The following PANK4 variants were observed in gnomAD, a reference collection of about 807,000 sequenced individuals.
PANK4 encodes the protein 4'-phosphopantetheine phosphatase.
Under a neutral mutation model 87.9 loss-of-function variants are expected in PANK4, and 40 were observed. The ratio of observed to expected loss-of-function variants is 0.46; its 90% CI spans 0.35 to 0.59. PANK4 has a LOEUF of 0.59. Among genes scored for constraint, PANK4 ranks in the 20% least tolerant of loss-of-function variants. The pLI is 0.00. For missense variants in PANK4, 926 were observed against 1,072.3 expected (o/e 0.86, Z 1.90); for synonymous variants, 524 against 467.4 (o/e 1.12, Z -1.56).
chr1:2,516,087 CCT>C lies in PANK4; in HGVS notation c.1219-372_1219-371del, dbSNP rs369182516. On this transcript the variant is annotated intron_variant, in intron 9 of 18. Coordinates refer to ENST00000378466, the MANE Select transcript of PANK4 (RefSeq NM_018216.4). ...CACCACCTCCCTGCAGTCACCCCTC[CCT>C]GTCACCCCTACAGTTTCACCTCCTC... 187 of 335,244 alleles carry C rather than the reference CCT, an allele frequency of 5.6e-4. 2 individuals are homozygous for C. Among genetic ancestry groups the C allele is most frequent in the African/African-American group, 3.6e-3 (169 of 47,410 alleles). 20.8% of individuals were successfully genotyped at this position (335,244 alleles called of 1,614,324 possible).
rs553315604 is a variant in PANK4, at chr1:2,517,859, G to A, written c.1218+305C>T. On this transcript the variant is annotated intron_variant, in intron 9 of 18. Coordinates refer to ENST00000378466, the MANE Select transcript of PANK4 (RefSeq NM_018216.4). ...GTGGACGGGCCTTCTGGCGTGGGGA[G>A]AGGTCCCCGTCACCCCTGAACTTTA... Among the ~76,000 whole-genome samples, 3 of 152,344 alleles carry A rather than the reference G, an allele frequency of 2.0e-5. No homozygotes were observed. The East Asian group carries it at 5.8e-4, about 29-fold the overall frequency.
At chr1:2,518,009 C>A (rs1206828936) in intron 9 of PANK4, among the ~76,000 whole-genome samples, 155 bp downstream of exon 9, 1 of 152,230 alleles carries the variant, frequency 6.6e-6, no homozygotes, top group Non-Finnish European at 1.5e-5. Context: ...CTTCTCTTGC[C>A]CCTAGTTATA....
rs889461878 is a variant in PANK4, at chr1:2,520,601, G to A, written c.606+122C>T. The A allele has an allele frequency of 6.3e-6, 7 of 1,108,072 alleles. No individual in the cohort carries two copies. The highest frequency in any genetic ancestry group is 2.3e-4 in the Middle Eastern group (1 of 4,276). 68.6% of individuals were successfully genotyped at this position (1,108,072 alleles called of 1,614,324 possible). A position where few individuals can be genotyped will look rare whatever the true frequency, so the allele number is the denominator to read the frequency against. On this transcript the variant is annotated intron_variant, in intron 4 of 18. Transcript: ENST00000378466. This position sits in a 1 kb window ranked among gnomAD's most constrained non-coding sequence, Gnocchi z 6.2. ...ACAGAGGCTCTGAGCTCACAGCCTC[G>A]CCACCCCCCTCCCGCCCACTGGGCC... is the stretch of plus-strand genomic sequence containing the variant.
intron 12 of PANK4, among the ~76,000 whole-genome samples, chr1:2,513,303 G>A (rs1042925115): frequency 2.0e-5 from 3 of 152,234 alleles, no homozygotes; most frequent in African/African-American, 4.8e-5. Context: ...TGGAGGACAC[G>A]GCCCCCACAG....
chr1:2,517,605 G>C (rs913033954), intron 9 of PANK4, among the ~76,000 whole-genome samples: 2 of 152,230 alleles, frequency 1.3e-5, no homozygotes, highest in African/African-American at 4.8e-5. Context: ...GACCCTTCCG[G>C]AGCAGCTCCA....
chr1:2,513,121 C>G, intron 12 of PANK4, 82 bp from the exon 13 acceptor site: 1 of 1,429,098 alleles, frequency 7.0e-7, no homozygotes, highest in East Asian at 2.3e-5. Context: ...CAGCCTGTTC[C>G]ATACCACGCC....
chr1:2,510,027 GC>G lies in PANK4; in HGVS notation c.2039+29del, dbSNP rs201665819. On this transcript the variant is annotated intron_variant, in intron 17 of 18. Transcript: ENST00000378466. This position sits in a 1 kb window ranked among gnomAD's most constrained non-coding sequence, Gnocchi z 4.9. Reference sequence around the variant, plus strand: ...CCAGCTGGTGCCCCTCCCCATCAAGGCCCCCCCAGCACTGCCCGCCAACACT... The same window carrying G: ...CCAGCTGGTGCCCCTCCCCATCAAGGCCCCCCAGCACTGCCCGCCAACACT... 7,170 of 1,581,464 alleles carry G rather than the reference GC, an allele frequency of 4.5e-3. 15 individuals carry two copies. Among genetic ancestry groups the G allele is most frequent in the Non-Finnish European group, 5.5e-3 (6,371 of 1,157,264 alleles).
intron 15 of PANK4, 32 bp downstream of exon 15, chr1:2,511,306 C>G: frequency 6.5e-7 from 1 of 1,550,060 alleles, no homozygotes; most frequent in Non-Finnish European, 8.9e-7. Flanking sequence ...GCTGTGTCCC[C>G]AGCAGCAGAG....
chr1:2,512,562 T>C, intron 13 of PANK4: 1 of 369,744 alleles, frequency 2.7e-6, no homozygotes, highest in East Asian at 4.9e-5. Context: ...GTTTAATTCC[T>C]ACCACACATA....
rs1643848742 is a variant in PANK4, at chr1:2,519,569, A to G, written c.853+232T>C. ...TTTTGAAGGAGGAAAAAACCCAATCAGGAAACTATTTTTTCTTCCAAAACC... is the reference window on the plus strand; with the variant it reads ...TTTTGAAGGAGGAAAAAACCCAATCGGGAAACTATTTTTTCTTCCAAAACC... On this transcript the variant is annotated intron_variant, in intron 6 of 18. Coordinates refer to ENST00000378466, the MANE Select transcript of PANK4 (RefSeq NM_018216.4). This position sits in a 1 kb window ranked among gnomAD's most constrained non-coding sequence, Gnocchi z 8.3. 6.6e-6 allele frequency among the ~76,000 whole-genome samples: 1 copy of G among 152,212 alleles called. No homozygotes were observed. The highest frequency in any genetic ancestry group is 1.5e-5 in the Non-Finnish European group (1 of 68,024).
At chr1:2,516,671 G>A (rs1286250913) in intron 9 of PANK4, among the ~76,000 whole-genome samples, 1 of 152,124 alleles carries the variant, frequency 6.6e-6, no homozygotes, top group African/African-American at 2.4e-5. Flanking sequence ...AGAGCAAAGG[G>A]GACGCCTTCC....
chr1:2,518,084 G>A, intron 9 of PANK4, 80 bp downstream of exon 9: 3 of 814,084 alleles, frequency 3.7e-6, no homozygotes, highest in Non-Finnish European at 5.7e-6. Context: ...GCCACAAGAG[G>A]CTTCGCTCAG....
At position 2,508,880 on chromosome 1, in the gene PANK4, G is replaced by A. The variant is rs1028844825; in HGVS notation, c.2289C>T (p.Ser763=). The A allele has an allele frequency of 8.7e-6, 14 of 1,605,850 alleles. No individual in the cohort carries two copies. Among genetic ancestry groups the A allele is most frequent in the Middle Eastern group, 1.6e-4 (1 of 6,070 alleles). Residue 763 remains serine, a synonymous_variant, in exon 19 of 19, where the codon AGC becomes AGT. Coordinates refer to ENST00000378466, the MANE Select transcript of PANK4 (RefSeq NM_018216.4). The surrounding 1 kb of genome is among the most constrained non-coding windows in gnomAD (Gnocchi z 5.1). The part of the protein sequence containing the change: ...LAERLGGRLF[S]VIFKYEVPAE ...CTGGGACCTCGTACTTGAAGATGAC[G>A]CTGAAGAGCCGGCCGCCCAGCCGCT...
chr1:2,513,029 C>T lies in PANK4; in HGVS notation c.1586G>A (p.Arg529Gln), dbSNP rs376405313. Residue 529 changes from arginine (R) to glutamine (Q), a missense_variant, in exon 13 of 19, where the codon CGG (arginine) becomes CAG (glutamine). Coordinates refer to ENST00000378466, the MANE Select transcript of PANK4 (RefSeq NM_018216.4). ...GCACCTCAGCGCCACGCCATTCTCC[C>T]GCTGCTTCACCTGTGGAGAGTGCCA... The part of the protein sequence containing the change: ...FPDPYSKVKQ[R>Q]ENGVALRCFP... 37 of 1,601,800 alleles carry T rather than the reference C, an allele frequency of 2.3e-5. No individual in the cohort carries two copies. The highest frequency in any genetic ancestry group is 2.0e-4 in the South Asian group (18 of 90,324).
rs1000890009 is a variant in PANK4, at chr1:2,510,459, C to T, written c.1938+219G>A. 1.0e-5 allele frequency: 6 copies of T among 598,744 alleles called. No individual in the cohort carries two copies. In the African/African-American group the frequency reaches 1.1e-4, roughly 11 times the overall value. 37.1% of individuals were successfully genotyped at this position (598,744 alleles called of 1,614,324 possible). Reference sequence around the variant, plus strand: ...CCCTTCCAGGAGCCTGGCGTCAACCCTGGGCTTCAGCACATGGACCCTCAG... The same window carrying T: ...CCCTTCCAGGAGCCTGGCGTCAACCTTGGGCTTCAGCACATGGACCCTCAG... On this transcript the variant is annotated intron_variant, in intron 16 of 18. Transcript: ENST00000378466. The surrounding 1 kb of genome is among the most constrained non-coding windows in gnomAD (Gnocchi z 4.9).
Position 2,520,301 on chromosome 1 carries a change from TCTCTGGCAG to T in PANK4, c.699+12_699+20del, listed in dbSNP as rs1193259341. 4.4e-6 allele frequency: 7 copies of T among 1,603,846 alleles called. No individual in the cohort carries two copies. The African/African-American group carries it at 9.4e-5, about 21-fold the overall frequency. Reference sequence around the variant, plus strand: ...GACATCTCCGCAGACCCCTGGAAGGTCTCTGGCAGCTGCCGCATACCTTCGTTTTGGTGA... The same window carrying T: ...GACATCTCCGCAGACCCCTGGAAGGTCTGCCGCATACCTTCGTTTTGGTGA... On this transcript the variant is annotated intron_variant, in intron 5 of 18. Transcript: ENST00000378466. This position sits in a 1 kb window ranked among gnomAD's most constrained non-coding sequence, Gnocchi z 6.2.
Position 2,519,281 on chromosome 1 carries a change from G to GT in PANK4, c.896_897insA (p.Ser300GlnfsTer40). The GT allele has an allele frequency of 6.2e-7, 1 of 1,612,048 alleles. No individual in the cohort carries two copies. Among genetic ancestry groups the GT allele is most frequent in the Non-Finnish European group, 8.5e-7 (1 of 1,179,420 alleles). On this transcript the variant is annotated frameshift_variant, in exon 7 of 19. Transcript: ENST00000378466. LOFTEE classifies it high-confidence loss of function. This position sits in a 1 kb window ranked among gnomAD's most constrained non-coding sequence, Gnocchi z 8.3. ...AGGCCAGCTGCCCAATGTCGTTGCT[G>GT]ATCATGTGCAGCAGGCTCTTCGCCA... is the stretch of plus-strand genomic sequence containing the variant.
In PANK4 at chr1:2,510,033, C is replaced by T; in HGVS notation, c.2039+24G>A. 1.3e-6 allele frequency: 2 copies of T among 1,590,170 alleles called. No homozygotes were observed. Among genetic ancestry groups the T allele is most frequent in the Non-Finnish European group, 1.7e-6 (2 of 1,164,228 alleles). On this transcript the variant is annotated intron_variant, in intron 17 of 18. Coordinates refer to ENST00000378466, the MANE Select transcript of PANK4 (RefSeq NM_018216.4). The surrounding 1 kb of genome is among the most constrained non-coding windows in gnomAD (Gnocchi z 4.9). ...GGTGCCCCTCCCCATCAAGGCCCCCCCAGCACTGCCCGCCAACACTCACTG... is the reference window on the plus strand; with the variant it reads ...GGTGCCCCTCCCCATCAAGGCCCCCTCAGCACTGCCCGCCAACACTCACTG...
In PANK4 at chr1:2,520,381, C is replaced by T. The variant is rs767618629; in HGVS notation, c.640G>A (p.Gly214Ser). 9 of 1,612,818 alleles carry T rather than the reference C, an allele frequency of 5.6e-6. No homozygotes were observed. The highest frequency in any genetic ancestry group is 1.1e-5 in the South Asian group (1 of 91,088). Residue 214 changes from glycine to serine, a missense_variant, in exon 5 of 19, where the codon GGC becomes AGC. Physicochemically the swap from Gly to Ser is moderately conservative, Grantham distance 56 (BLOSUM62 0). Transcript: ENST00000378466. This position sits in a 1 kb window ranked among gnomAD's most constrained non-coding sequence, Gnocchi z 6.2. ...ETEDRFEWVG[G>S]SSIGGGTFWG... is the part of the protein sequence containing the mutation. ...AAGGTGCCGCCTCCAATGGAGCTGC[C>T]GCCGACCCACTCGAACCTGTCCTCC... is the stretch of plus-strand genomic sequence containing the variant.
Sources: allele counts gnomAD v4.1 joint callset (sites outside exome capture counted in the v4.1 genomes callset), GRCh38; gene constraint gnomAD v4.1.1; non-coding constraint Gnocchi (gnomAD v3.1); transcripts MANE v1.5; gene names NCBI Gene and HGNC (gene_info 2026-07-23, HGNC 2026-07-21).